The following NYAP2 variants were observed in gnomAD, a reference collection of about 807,000 sequenced individuals.
The protein encoded by NYAP2 is neuronal tyrosine-phosphorylated phosphoinositide-3-kinase adaptor 2.
In NYAP2, 23 loss-of-function variants were observed where a neutral mutation model predicts 50.4. The ratio of observed to expected loss-of-function variants is 0.46; its 90% CI spans 0.33 to 0.65. NYAP2 has a LOEUF of 0.65. Among genes scored for constraint, NYAP2 ranks in the 30% least tolerant of loss-of-function variants. The probability of loss-of-function intolerance (pLI) is 0.02; values close to 1 mark genes in which losing one functional copy is unlikely to be tolerated. For synonymous variants in NYAP2, 394 were observed against 365.2 expected (o/e 1.08, Z -0.90); for missense variants, 885 against 861.0 (o/e 1.03, Z -0.35).
In NYAP2 at chr2:225,539,329, A is replaced by G. The variant is rs185598661; in HGVS notation, c.523+25657A>G. ...ATACATGTGCATGTGTCTTTATAGT[A>G]GAATGATTTATAATCCTTTGGGTAT... On this transcript the variant is annotated intron_variant, in intron 4 of 6. Coordinates refer to ENST00000636099, the Ensembl canonical transcript of NYAP2. 1.2e-4 allele frequency among the ~76,000 whole-genome samples: 18 copies of G among 152,362 alleles called. No individual in the cohort carries two copies. The East Asian group carries it at 3.5e-3, about 29-fold the overall frequency.
At chr2:225,637,868 A>T (rs1471652076) in intron 6 of NYAP2, among the ~76,000 whole-genome samples, 1 of 152,204 alleles carries the variant, frequency 6.6e-6, no homozygotes, top group Non-Finnish European at 1.5e-5. Context: ...TTGAATGTAA[A>T]TAAACAGGGT....
chr2:225,603,342 G>A (rs116045904), intron 5 of NYAP2, among the ~76,000 whole-genome samples: 3,219 of 152,136 alleles, frequency 0.021, 121 homozygotes, highest in African/African-American at 0.073. Context: ...ATTCAAATTA[G>A]GATCAGAGAT....
At chr2:225,651,295 G>A (rs1047395735) in intron 6 of NYAP2, 137 bp from the exon 7 acceptor site, 6 of 1,166,182 alleles carry the variant, frequency 5.1e-6, no homozygotes, top group Non-Finnish European at 7.5e-6. Context: ...TTTATCACCT[G>A]CTACTTATTA....
At chr2:225,499,284 CT>C (rs1161229824) in intron 3 of NYAP2, among the ~76,000 whole-genome samples, 1 of 151,624 alleles carries the variant, frequency 6.6e-6, no homozygotes, top group Non-Finnish European at 1.5e-5. Flanking sequence ...AAAAATAAAA[CT>C]TTCTAGTTTA....
intron 6 of NYAP2, among the ~76,000 whole-genome samples, chr2:225,637,367 A>G (rs1227220696): frequency 6.6e-6 from 1 of 152,112 alleles, no homozygotes; most frequent in African/African-American, 2.4e-5. Context: ...CTGTTCTCTA[A>G]CTTCCTGCTT....
At chr2:225,642,422 A>T (rs889306255) in intron 6 of NYAP2, among the ~76,000 whole-genome samples, 1 of 152,212 alleles carries the variant, frequency 6.6e-6, no homozygotes, top group African/African-American at 2.4e-5. Context: ...TCTTACAGAA[A>T]TCCTGTGAAC....
chr2:225,665,638 G>A, the NYAP2 span, among the ~76,000 whole-genome samples: 3 of 148,746 alleles, frequency 2.0e-5, no homozygotes, highest in South Asian at 2.2e-4. Context: ...GTGAAACCCC[G>A]TCTCTACTAA....
chr2:225,670,586 A>C, the NYAP2 span, among the ~76,000 whole-genome samples: 6 of 146,350 alleles, frequency 4.1e-5, no homozygotes, highest in East Asian at 8.1e-4. Flanking sequence ...CTTCCTGGGA[A>C]AACGTCTTCA....
chr2:225,480,974 T>C (rs923457623), intron 3 of NYAP2, among the ~76,000 whole-genome samples: 6 of 152,076 alleles, frequency 3.9e-5, no homozygotes, highest in African/African-American at 1.2e-4. Context: ...TCCCTAACAA[T>C]TCAACAAGAG....
At chr2:225,469,682 G>A (rs1279522747) in intron 3 of NYAP2, among the ~76,000 whole-genome samples, 1 of 152,200 alleles carries the variant, frequency 6.6e-6, no homozygotes, top group Non-Finnish European at 1.5e-5. Context: ...AAAGAAGGAT[G>A]AGTTCGTGTC....
intron 4 of NYAP2, among the ~76,000 whole-genome samples, chr2:225,543,305 G>C (rs1445292827): frequency 1.3e-5 from 2 of 150,998 alleles, no homozygotes; most frequent in Non-Finnish European, 3.0e-5. Context: ...TTTTGGGTTT[G>C]GTCTACTCTT....
At chr2:225,617,025 A>G (rs1311199010) in intron 5 of NYAP2, among the ~76,000 whole-genome samples, 1 of 152,192 alleles carries the variant, frequency 6.6e-6, no homozygotes, top group African/African-American at 2.4e-5. Context: ...AGCATTCTTT[A>G]TGTCCACAGA....
At position 225,582,622 on chromosome 2, in the gene NYAP2, G is replaced by C. The variant is rs1692311648; in HGVS notation, c.1205G>C (p.Gly402Ala). 1.3e-6 allele frequency: 2 copies of C among 1,594,324 alleles called. No individual in the cohort carries two copies. The highest frequency in any genetic ancestry group is 1.3e-5 in the African/African-American group (1 of 74,128). ...GAGAAAGAGCAGGCCGCGGCCCTGG[G>C]ACCTGCCTCTGCCACCCCTGCGCTC... The change falls in exon 5 of 7, where the codon GGA (glycine) becomes GCA (alanine). Residue 402 changes from glycine (G) to alanine (A), a missense_variant. By Grantham distance (60) the Gly-to-Ala change is moderately conservative (BLOSUM62 0). Coordinates refer to ENST00000636099, the Ensembl canonical transcript of NYAP2. The surrounding 1 kb of genome is among the most constrained non-coding windows in gnomAD (Gnocchi z 7.0).
chr2:225,507,928 A>G (rs193265833), intron 3 of NYAP2, among the ~76,000 whole-genome samples: 312 of 152,370 alleles, frequency 2.0e-3, no homozygotes, highest in African/African-American at 7.1e-3. Context: ...GGGATAGTCT[A>G]TAACTCCATG....
At chr2:225,542,415 C>A (rs113901961) in intron 4 of NYAP2, among the ~76,000 whole-genome samples, 1 of 151,900 alleles carries the variant, frequency 6.6e-6, no homozygotes, top group Admixed American at 6.6e-5. Flanking sequence ...CTGTTGTATA[C>A]GGCTTTTCTT....
chr2:225,589,519 ATATATATATAT>A (rs1692455132), intron 5 of NYAP2, among the ~76,000 whole-genome samples: 1 of 126,548 alleles, frequency 7.9e-6, no homozygotes, highest in Non-Finnish European at 1.7e-5. Flanking sequence ...AAAGTAAAAT[ATATATATATAT>A]ATATATATAT....
At chr2:225,554,090 G>T (rs190923371) in intron 4 of NYAP2, among the ~76,000 whole-genome samples, 211 of 152,048 alleles carry the variant, frequency 1.4e-3, no homozygotes, top group African/African-American at 4.7e-3. Flanking sequence ...ATAATGATTT[G>T]GTCCCTTACA....
chr2:225,486,065 G>A (rs894643802), intron 3 of NYAP2, among the ~76,000 whole-genome samples: 6 of 152,176 alleles, frequency 3.9e-5, no homozygotes, highest in South Asian at 2.1e-4. Flanking sequence ...AGCACCCTGC[G>A]GAATTCCCTT....
At chr2:225,516,331 T>C (rs906530342) in intron 4 of NYAP2, among the ~76,000 whole-genome samples, 2 of 152,134 alleles carry the variant, frequency 1.3e-5, no homozygotes, top group South Asian at 4.1e-4. Context: ...GTAGCAAATG[T>C]GGTTGAACTG....
Sources: gnomAD v4.1 joint callset for allele counts (sites outside exome capture counted in the v4.1 genomes callset) on GRCh38, gnomAD v4.1.1 for gene constraint, Gnocchi (gnomAD v3.1) non-coding constraint, MANE v1.5 for transcripts, NCBI Gene and HGNC (gene_info 2026-07-23, HGNC 2026-07-21) for gene names.